ODF1: variants seen among roughly 807,000 people sequenced by gnomAD.
ODF1 encodes outer dense fiber of sperm tails 1, also known as outer dense fiber protein 1.
A neutral mutation model predicts 24.0 loss-of-function variants in ODF1; 10 were observed. The observed-to-expected ratio is 0.42, with a 90% confidence interval of 0.26 to 0.71. The LOEUF (loss-of-function observed/expected upper bound fraction) is 0.71, where lower values mean the gene tolerates loss of function less well. Ranked by LOEUF, ODF1 falls within the 30% of genes least tolerant of loss-of-function variation. The probability of loss-of-function intolerance (pLI) is 0.28; values close to 1 mark genes in which losing one functional copy is unlikely to be tolerated. For missense variants in ODF1, 282 were observed against 307.9 expected, an observed-to-expected ratio of 0.92 and a Z score of 0.63; for synonymous variants, 118 against 121.3, an observed-to-expected ratio of 0.97 and a Z score of 0.18.
intron 1 of ODF1, among the ~76,000 whole-genome samples, chr8:102,557,831 G>A (rs1478383410): frequency 1.3e-5 from 2 of 152,228 alleles, no homozygotes; most frequent in Non-Finnish European, 2.9e-5. Context: ...ACACACCGTG[G>A]GAGAGTCTTG....
intron 1 of ODF1, among the ~76,000 whole-genome samples, chr8:102,558,349 G>A (rs1826137628): frequency 1.3e-5 from 2 of 152,160 alleles, no homozygotes; most frequent in Non-Finnish European, 2.9e-5. Context: ...AGCTACTCAG[G>A]AGGCTGAGGC....
chr8:102,560,903 T>C lies in ODF1; in HGVS notation c.*19T>C, dbSNP rs1228730279. 1.9e-6 allele frequency: 3 copies of C among 1,582,256 alleles called. No individual in the cohort carries two copies. Among genetic ancestry groups the C allele is most frequent in the South Asian group, 1.2e-5 (1 of 85,856 alleles). On this transcript the variant is annotated 3_prime_UTR_variant, in exon 2 of 2. Transcript: ENST00000285402. ...TTTGTAAAGTGCGCATAGGAACCCA[T>C]TACTTAATAGAAGTCAGTTACTCCA...
chr8:102,552,338 G>C (rs762782478), intron 1 of ODF1, among the ~76,000 whole-genome samples: 2 of 151,698 alleles, frequency 1.3e-5, no homozygotes, highest in Non-Finnish European at 2.9e-5. Flanking sequence ...GAAACAGGGG[G>C]TGTCATTAAA....
chr8:102,558,469 GA>G (rs1201417867), intron 1 of ODF1, among the ~76,000 whole-genome samples: 2 of 151,540 alleles, frequency 1.3e-5, no homozygotes, highest in Admixed American at 1.3e-4. Context: ...AAAGAAAAAA[GA>G]AAAAAAAGAA....
At chr8:102,557,079 G>C (rs923531008) in intron 1 of ODF1, among the ~76,000 whole-genome samples, 14 of 152,272 alleles carry the variant, frequency 9.2e-5, no homozygotes, top group Admixed American at 2.0e-4. Flanking sequence ...GCAGGGAGGA[G>C]AGGAGGCCGC....
At chr8:102,559,139 C>T (rs1826148306) in intron 1 of ODF1, among the ~76,000 whole-genome samples, 1 of 150,892 alleles carries the variant, frequency 6.6e-6, no homozygotes, top group African/African-American at 2.5e-5. Context: ...ATTTAAGCCT[C>T]ACAACAACCC....
At position 102,560,443 on chromosome 8, in the gene ODF1, C is replaced by G. The variant is rs1826164477; in HGVS notation, c.321-9C>G. On this transcript the variant is annotated splice_polypyrimidine_tract_variant and intron_variant, in intron 1 of 1. Transcript: ENST00000285402. Reference sequence around the variant, plus strand: ...CTCCCTCCCACCCTATCCCTTTTCTCAATTCCAGACTGAGAAGAACAACAA... The same window carrying G: ...CTCCCTCCCACCCTATCCCTTTTCTGAATTCCAGACTGAGAAGAACAACAA... 3.7e-6 allele frequency: 6 copies of G among 1,610,782 alleles called. No individual in the cohort carries two copies. Among genetic ancestry groups the G allele is most frequent in the Non-Finnish European group, 5.1e-6 (6 of 1,177,300 alleles).
At chr8:102,556,799 GA>G (rs1246042202) in intron 1 of ODF1, among the ~76,000 whole-genome samples, 2 of 152,200 alleles carry the variant, frequency 1.3e-5, no homozygotes, top group Non-Finnish European at 2.9e-5. Context: ...GTGTTGGAAA[GA>G]GAGGGATTGA....
At position 102,560,864 on chromosome 8, in the gene ODF1, T is replaced by G. The variant is rs1244573809; in HGVS notation, c.733T>G (p.Cys245Gly). The change falls in exon 2 of 2, where the codon TGT becomes GGT. Residue 245 changes from cysteine (C) to glycine (G), a missense_variant. By Grantham distance (159) the Cys-to-Gly change is radical. Transcript: ENST00000285402. ...TTATCCCTGTGGAAGCCGATTTTCC[T>G]GTAGGAAGATGATTTTGTAAAGTGC... ...PCYPCGSRFS[C>G]RKMIL is the part of the protein sequence containing the mutation. 2 of 1,611,076 alleles carry G rather than the reference T, an allele frequency of 1.2e-6. No homozygotes were observed. Among genetic ancestry groups the G allele is most frequent in the African/African-American group, 2.7e-5 (2 of 74,842 alleles).
intron 1 of ODF1, among the ~76,000 whole-genome samples, chr8:102,556,418 T>TTTG (rs745632541): frequency 9.4e-5 from 13 of 138,068 alleles, no homozygotes; most frequent in African/African-American, 1.4e-4. Flanking sequence ...ACCTGTGTTT[T>TTTG]TTGTTGTTGT....
chr8:102,557,646 G>C (rs1381181338), intron 1 of ODF1, among the ~76,000 whole-genome samples: 1 of 152,244 alleles, frequency 6.6e-6, no homozygotes, highest in African/African-American at 2.4e-5. Context: ...AGGTCAAGAG[G>C]GCTTTGCCAA....
chr8:102,557,744 C>G (rs990580045), intron 1 of ODF1, among the ~76,000 whole-genome samples: 6 of 152,232 alleles, frequency 3.9e-5, no homozygotes, highest in Admixed American at 6.5e-5. Context: ...CTGCATCATC[C>G]TGGTGGGATT....
At chr8:102,552,137 C>A in intron 1 of ODF1, 90 bp downstream of exon 1, 2 of 933,298 alleles carry the variant, frequency 2.1e-6, no homozygotes, top group Non-Finnish European at 3.1e-6. Context: ...AATAGTTGAA[C>A]AAAGATTAAA....
intron 1 of ODF1, among the ~76,000 whole-genome samples, chr8:102,553,182 G>A (rs2117331): frequency 0.49 from 71,001 of 144,282 alleles, 17,800 homozygotes; most frequent in Middle Eastern, 0.66. Context: ...GGCTAACATG[G>A]TGAAACCCCA....
At position 102,560,732 on chromosome 8, in the gene ODF1, C is replaced by T. The variant is rs745370224; in HGVS notation, c.601C>T (p.Pro201Ser). Reference protein sequence around the residue: ...GLGSCVKIESPCYPCTSPCSP... With the variant: ...GLGSCVKIESSCYPCTSPCSP... ...CGGCAGCTGTGTCAAGATCGAGTCTCCTTGCTACCCTTGCACTTCTCCTTG... is the reference window on the plus strand; with the variant it reads ...CGGCAGCTGTGTCAAGATCGAGTCTTCTTGCTACCCTTGCACTTCTCCTTG... Residue 201 changes from proline (P) to serine (S), a missense_variant, in exon 2 of 2, where the codon CCT (proline) becomes TCT (serine). Pro to Ser is a moderately conservative substitution (Grantham distance 74). Coordinates refer to ENST00000285402, the MANE Select transcript of ODF1 (RefSeq NM_024410.4). 1 of 1,614,110 alleles carries T rather than the reference C, an allele frequency of 6.2e-7. No homozygotes were observed. Among genetic ancestry groups the T allele is most frequent in the South Asian group, 1.1e-5 (1 of 91,076 alleles).
chr8:102,560,668 CTG>C lies in ODF1; in HGVS notation c.542_543del (p.Val181GlyfsTer2). 10 of 1,614,178 alleles carry C rather than the reference CTG, an allele frequency of 6.2e-6. No individual in the cohort carries two copies. The highest frequency in any genetic ancestry group is 6.8e-6 in the Non-Finnish European group (8 of 1,180,026). ...TCTGCAAAGAGTTCAGCTTGCCGCC[CTG>C]TGTGGATGAGAAGGATGTAACATAC... Reference protein sequence around the residue: ...NICKEFSLPPCVDEKDVTYSY... With the variant: ...NICKEFSLPPXVDEKDVTYSY... On this transcript the variant is annotated frameshift_variant, in exon 2 of 2. Coordinates refer to ENST00000285402, the MANE Select transcript of ODF1 (RefSeq NM_024410.4). LOFTEE classifies it high-confidence loss of function.
At position 102,552,052 on chromosome 8, in the gene ODF1, A is replaced by T; in HGVS notation, c.320+5A>T. 6.4e-7 allele frequency: 1 copy of T among 1,565,874 alleles called. No individual in the cohort carries two copies. Among genetic ancestry groups the T allele is most frequent in the Non-Finnish European group, 8.7e-7 (1 of 1,154,792 alleles). ...TGAGAAGCGAGAGCTTGCCAAGTAA[A>T]ATAACTTATTTTTAAATTTTTATAG... On this transcript the variant is annotated splice_donor_5th_base_variant and intron_variant, in intron 1 of 1. Coordinates refer to ENST00000285402, the MANE Select transcript of ODF1 (RefSeq NM_024410.4).
At chr8:102,555,748 C>G (rs12546492) in intron 1 of ODF1, among the ~76,000 whole-genome samples, 38,053 of 152,092 alleles carry the variant, frequency 0.25, 4,953 homozygotes, top group South Asian at 0.33. Context: ...ATAAGTGAGC[C>G]CTATGGGGCT....
At chr8:102,552,207 A>G (rs76861036) in intron 1 of ODF1, among the ~76,000 whole-genome samples, 160 bp downstream of exon 1, 16,340 of 152,070 alleles carry the variant, frequency 0.11, 981 homozygotes, top group African/African-American at 0.16. Flanking sequence ...AGAGTAAATG[A>G]GTCCATGATG....
Sources: gnomAD v4.1 joint callset for allele counts (sites outside exome capture counted in the v4.1 genomes callset) on GRCh38, gnomAD v4.1.1 for gene constraint, MANE v1.5 for transcripts, NCBI Gene and HGNC (gene_info 2026-07-23, HGNC 2026-07-21) for gene names.